The following FRMD4A variants were observed in gnomAD, a reference collection of about 807,000 sequenced individuals.
FRMD4A encodes FERM domain-containing protein 4A.
A neutral mutation model predicts 129.1 loss-of-function variants in FRMD4A; 29 were observed. That is an observed-to-expected ratio of 0.22 (90% CI 0.17 to 0.31). The LOEUF (loss-of-function observed/expected upper bound fraction) is 0.31. Among genes scored for constraint, FRMD4A ranks in the 10% least tolerant of loss-of-function variants. The pLI, the probability that FRMD4A is intolerant of heterozygous loss-of-function variation, is 1.00. For missense variants in FRMD4A, 1,272 were observed against 1,375.8 expected (o/e 0.92, Z 1.19); for synonymous variants, 634 against 571.6 (o/e 1.11, Z -1.56).
chr10:14,225,891 G>C (rs1025564558), intron 2 of FRMD4A, among the ~76,000 whole-genome samples: 3 of 152,172 alleles, frequency 2.0e-5, no homozygotes, highest in Non-Finnish European at 4.4e-5. Flanking sequence ...GAATCTCCCA[G>C]TGTGTTCTAG....
intron 2 of FRMD4A, among the ~76,000 whole-genome samples, chr10:14,047,746 A>G (rs1489402151): frequency 6.6e-6 from 1 of 152,206 alleles, no homozygotes; most frequent in East Asian, 1.9e-4. Context: ...AAGTCCAGGA[A>G]GTATGGGAGA....
At chr10:14,068,588 TG>T (rs1429248212) in intron 2 of FRMD4A, among the ~76,000 whole-genome samples, 4 of 152,168 alleles carry the variant, frequency 2.6e-5, no homozygotes, top group African/African-American at 9.7e-5. Context: ...TTATGGGGAT[TG>T]GGAGGAAACT....
chr10:13,918,199 C>A (rs1329926907), intron 2 of FRMD4A, among the ~76,000 whole-genome samples: 1 of 152,136 alleles, frequency 6.6e-6, no homozygotes, highest in African/African-American at 2.4e-5. Context: ...TCTTGCAGGC[C>A]TGGCTTTGGT....
chr10:14,134,266 TGG>T (rs1839416695), intron 2 of FRMD4A, among the ~76,000 whole-genome samples: 1 of 151,866 alleles, frequency 6.6e-6, no homozygotes, highest in African/African-American at 2.4e-5. Context: ...GATGGATGGA[TGG>T]ATGGATGGAT....
At chr10:13,796,271 T>C (rs2093116036) in intron 5 of FRMD4A, among the ~76,000 whole-genome samples, 1 of 152,196 alleles carries the variant, frequency 6.6e-6, no homozygotes, top group Non-Finnish European at 1.5e-5. Context: ...ACAAGCATCC[T>C]AGTGCAAATG....
intron 2 of FRMD4A, among the ~76,000 whole-genome samples, chr10:14,033,398 C>T (rs1833344575): frequency 1.3e-5 from 2 of 152,052 alleles, no homozygotes; most frequent in African/African-American, 4.8e-5. Flanking sequence ...GTGTGGGCTT[C>T]TAGTGTGACC....
chr10:13,931,979 A>AACCAACAAACC (rs377655638), intron 2 of FRMD4A, among the ~76,000 whole-genome samples: 1 of 131,804 alleles, frequency 7.6e-6, no homozygotes, highest in Non-Finnish European at 1.8e-5. Context: ...ACCAACCAAC[A>AACCAACAAACC]AACCAACCAA....
intron 10 of FRMD4A, 27 bp from the exon 11 acceptor site, chr10:13,740,278 A>G: frequency 6.6e-7 from 1 of 1,526,014 alleles, no homozygotes; most frequent in South Asian, 1.1e-5. Flanking sequence ...AAGATACACA[A>G]ACACACACAC....
chr10:14,016,634 A>G (rs1471059813), intron 2 of FRMD4A, among the ~76,000 whole-genome samples: 3 of 152,210 alleles, frequency 2.0e-5, no homozygotes, highest in Admixed American at 6.5e-5. Context: ...TTGAGTAACT[A>G]TGAGTACAGA....
intron 2 of FRMD4A, among the ~76,000 whole-genome samples, chr10:13,892,600 T>G (rs79791612): frequency 3.6e-4 from 55 of 152,192 alleles, no homozygotes; most frequent in Middle Eastern, 3.4e-3. Flanking sequence ...TCATGAATTG[T>G]CAAAACACGG....
At chr10:13,654,352 G>C (rs2081954183) in intron 23 of FRMD4A, 64 bp downstream of exon 23, 2 of 1,033,138 alleles carry the variant, frequency 1.9e-6, no homozygotes, top group Non-Finnish European at 3.1e-6. Context: ...TATGTCACCA[G>C]GATCTGAACG....
intron 20 of FRMD4A, among the ~76,000 whole-genome samples, chr10:13,659,866 C>CA (rs1270731992): frequency 5.1e-5 from 3 of 58,934 alleles, no homozygotes; most frequent in Admixed American, 1.9e-4. Context: ...GCCTTCCCCC[C>CA]CAAAAAAAAC....
chr10:13,773,279 C>G (rs1237611803), intron 6 of FRMD4A, among the ~76,000 whole-genome samples: 1 of 152,166 alleles, frequency 6.6e-6, no homozygotes, highest in Non-Finnish European at 1.5e-5. Context: ...TGCCCTTCTC[C>G]TTTTCAAAAA....
chr10:14,210,839 T>C (rs1842915878), intron 2 of FRMD4A, among the ~76,000 whole-genome samples: 1 of 152,218 alleles, frequency 6.6e-6, no homozygotes, highest in Non-Finnish European at 1.5e-5. Flanking sequence ...GTGATTCTTC[T>C]GCCTCAGCCT....
intron 2 of FRMD4A, among the ~76,000 whole-genome samples, chr10:14,157,822 G>A (rs1840676623): frequency 6.6e-6 from 1 of 152,224 alleles, no homozygotes; most frequent in Admixed American, 6.5e-5. Context: ...AGGATGGTGA[G>A]TGGAGATCTA....
At chr10:14,322,120 AC>A (rs1307494911) in intron 2 of FRMD4A, among the ~76,000 whole-genome samples, 1 of 152,210 alleles carries the variant, frequency 6.6e-6, no homozygotes, top group Non-Finnish European at 1.5e-5. Context: ...ATTCTCAGGT[AC>A]TTCTTTATAG....
intron 3 of FRMD4A, among the ~76,000 whole-genome samples, chr10:13,848,587 T>G (rs2094089796): frequency 7.0e-6 from 1 of 143,436 alleles, no homozygotes; most frequent in Non-Finnish European, 1.5e-5. Context: ...AACCAGCACC[T>G]GGGTGTGAGT....
chr10:14,308,441 A>C (rs1846426377), intron 2 of FRMD4A, among the ~76,000 whole-genome samples: 1 of 152,180 alleles, frequency 6.6e-6, no homozygotes, highest in Non-Finnish European at 1.5e-5. Context: ...TACGAACAGC[A>C]GTCTGGATTT....
At chr10:13,790,899 G>A (rs906775869) in intron 5 of FRMD4A, among the ~76,000 whole-genome samples, 1 of 152,118 alleles carries the variant, frequency 6.6e-6, no homozygotes, top group East Asian at 1.9e-4. Context: ...TGGTCACAAA[G>A]GGGAGGAATC....
Sources: gnomAD v4.1 joint callset for allele counts (sites outside exome capture counted in the v4.1 genomes callset) on GRCh38, gnomAD v4.1.1 for gene constraint, MANE v1.5 for transcripts, NCBI Gene and HGNC (gene_info 2026-07-23, HGNC 2026-07-21) for gene names.